The following PRKG1 variants were observed in gnomAD, a reference collection of about 807,000 sequenced individuals.
PRKG1 encodes cGMP-dependent protein kinase 1.
Under a neutral mutation model 88.1 loss-of-function variants are expected in PRKG1, and 35 were observed. The ratio of observed to expected loss-of-function variants is 0.40; its 90% CI spans 0.30 to 0.53. The LOEUF (loss-of-function observed/expected upper bound fraction) is 0.53. PRKG1 is among the 20% of genes least tolerant of loss of function. The pLI is 0.59. For synonymous variants in PRKG1, 303 were observed against 292.5 expected (o/e 1.04, Z -0.37); for missense variants, 540 against 839.8 (o/e 0.64, Z 4.41).
intron 5 of PRKG1, among the ~76,000 whole-genome samples, chr10:51,952,074 CTA>C (rs1299761773): frequency 6.6e-6 from 1 of 152,104 alleles, no homozygotes; most frequent in African/African-American, 2.4e-5. Context: ...AGAAACTGGC[CTA>C]CAAAGCCTAA....
chr10:51,756,785 AG>A lies in PRKG1; in HGVS notation c.593-47799del, dbSNP rs1433179712. On this transcript the variant is annotated intron_variant, in intron 3 of 17. Coordinates refer to ENST00000373980, the MANE Select transcript of PRKG1 (RefSeq NM_006258.4). ...AGCTGAGATCGCGCCACTGCACTCC[AG>A]CCTGGGTGACAGTGCGAAACTCCAT... Among the ~76,000 whole-genome samples, 4 of 152,186 alleles carry A rather than the reference AG, an allele frequency of 2.6e-5. No homozygotes were observed. In the East Asian group the frequency reaches 5.8e-4, roughly 22 times the overall value.
intron 3 of PRKG1, among the ~76,000 whole-genome samples, chr10:51,802,804 A>G (rs1839208552): frequency 6.6e-6 from 1 of 152,162 alleles, no homozygotes; most frequent in African/African-American, 2.4e-5. Context: ...ACCAGGGTCA[A>G]TGCCTGGGCT....
chr10:51,640,368 TCTC>T, intron 3 of PRKG1, among the ~76,000 whole-genome samples: 1 of 152,348 alleles, frequency 6.6e-6, no homozygotes, highest in Non-Finnish European at 1.5e-5. Context: ...TTTATAGTTC[TCTC>T]AACACCTGAT....
chr10:51,558,523 C>G (rs1281975917), intron 3 of PRKG1, among the ~76,000 whole-genome samples: 1 of 152,060 alleles, frequency 6.6e-6, no homozygotes, highest in Non-Finnish European at 1.5e-5. Context: ...ATTCCTCGTT[C>G]TATACCTGTG....
intron 1 of PRKG1, among the ~76,000 whole-genome samples, chr10:51,104,586 C>G (rs1589155020): frequency 6.6e-6 from 1 of 152,256 alleles, no homozygotes; most frequent in East Asian, 1.9e-4. Context: ...GTGGTGCGAT[C>G]TCTGCTCACT....
At chr10:51,499,361 C>A (rs180929843) in intron 3 of PRKG1, among the ~76,000 whole-genome samples, 71 of 152,204 alleles carry the variant, frequency 4.7e-4, no homozygotes, top group African/African-American at 1.6e-3. Context: ...AGTAAAATAA[C>A]CAAAACATCA....
At chr10:51,554,325 TAC>T (rs1312297609) in intron 3 of PRKG1, among the ~76,000 whole-genome samples, 1 of 129,410 alleles carries the variant, frequency 7.7e-6, no homozygotes, top group Non-Finnish European at 1.6e-5. Flanking sequence ...ATATAATATA[TAC>T]ACACATATAT....
chr10:51,883,439 A>G (rs1335485738), intron 4 of PRKG1, among the ~76,000 whole-genome samples: 1 of 152,238 alleles, frequency 6.6e-6, no homozygotes, highest in Non-Finnish European at 1.5e-5. Flanking sequence ...AACCCTAGCT[A>G]ATACATAACA....
At chr10:52,159,049 A>G (rs1445958595) in intron 8 of PRKG1, among the ~76,000 whole-genome samples, 1 of 151,510 alleles carries the variant, frequency 6.6e-6, no homozygotes, top group Non-Finnish European at 1.5e-5. Flanking sequence ...CAATAAAGCT[A>G]TGCAAAAAAA....
chr10:51,403,815 G>T (rs970098954), intron 2 of PRKG1, among the ~76,000 whole-genome samples: 2 of 152,068 alleles, frequency 1.3e-5, no homozygotes, highest in Non-Finnish European at 2.9e-5. Flanking sequence ...CTTGGTTTCT[G>T]TAATCTATGT....
intron 1 of PRKG1, among the ~76,000 whole-genome samples, chr10:51,129,434 G>C (rs1046618123): frequency 3.3e-5 from 5 of 151,418 alleles, no homozygotes; most frequent in African/African-American, 4.9e-5. Flanking sequence ...GATAGAGTGA[G>C]ACTCCGTCTC....
chr10:52,079,958 A>T (rs1015261019), intron 7 of PRKG1, among the ~76,000 whole-genome samples: 1 of 152,176 alleles, frequency 6.6e-6, no homozygotes, highest in Non-Finnish European at 1.5e-5. Flanking sequence ...TCCATAAAGA[A>T]AAGCTGTTCT....
At position 51,817,021 on chromosome 10, in the gene PRKG1, A is replaced by C. The variant is rs561507502; in HGVS notation, c.698+12331A>C. ...AGGAACACAGCCAAGAAAGCAAGAA[A>C]AGAAATATTAAAATTTAAGAATTTT... is the stretch of plus-strand genomic sequence containing the variant. On this transcript the variant is annotated intron_variant, in intron 4 of 17. Transcript: ENST00000373980. 5.9e-5 allele frequency among the ~76,000 whole-genome samples: 9 copies of C among 152,266 alleles called. No homozygotes were observed. In the South Asian group the frequency reaches 1.0e-3, roughly 18 times the overall value.
At chr10:52,069,481 G>T (rs1846439479) in intron 7 of PRKG1, among the ~76,000 whole-genome samples, 1 of 152,020 alleles carries the variant, frequency 6.6e-6, no homozygotes, top group Non-Finnish European at 1.5e-5. Context: ...CAGTGAATGA[G>T]ATCACACCAC....
chr10:51,440,030 A>T (rs1016599556), intron 2 of PRKG1, among the ~76,000 whole-genome samples: 3 of 151,930 alleles, frequency 2.0e-5, no homozygotes, highest in African/African-American at 7.2e-5. Context: ...TGAACTTGAA[A>T]CTACCCAGGA....
chr10:52,011,210 G>A (rs1030275083), intron 5 of PRKG1, among the ~76,000 whole-genome samples: 2 of 152,128 alleles, frequency 1.3e-5, no homozygotes, highest in Admixed American at 1.3e-4. Context: ...TTAAGTTTCT[G>A]CCTTCAGAGG....
At chr10:52,290,523 T>G (rs577472933) in intron 17 of PRKG1, among the ~76,000 whole-genome samples, 1 of 152,320 alleles carries the variant, frequency 6.6e-6, no homozygotes, top group South Asian at 2.1e-4. Context: ...ATTCATTTGA[T>G]TCAAGTTTCC....
intron 2 of PRKG1, among the ~76,000 whole-genome samples, chr10:51,426,584 A>G (rs967396259): frequency 2.0e-5 from 3 of 152,214 alleles, no homozygotes; most frequent in African/African-American, 4.8e-5. Context: ...AAGGTACTCA[A>G]ATTAACCTGA....
At chr10:51,083,408 A>G (rs768261872) in intron 1 of PRKG1, among the ~76,000 whole-genome samples, 1 of 152,002 alleles carries the variant, frequency 6.6e-6, no homozygotes, top group Non-Finnish European at 1.5e-5. Flanking sequence ...AGCTCCTGCT[A>G]TCCAATGCTA....
Sources: allele counts gnomAD v4.1 joint callset (sites outside exome capture counted in the v4.1 genomes callset), GRCh38; gene constraint gnomAD v4.1.1; transcripts MANE v1.5; gene names NCBI Gene and HGNC (gene_info 2026-07-23, HGNC 2026-07-21).